Variants in OTUD5 observed in about 807,000 individuals in gnomAD.
The protein encoded by OTUD5 is OTU deubiquitinase 5.
Under a neutral mutation model 36.3 loss-of-function variants are expected in OTUD5, and 2 were observed. The ratio of observed to expected loss-of-function variants is 0.06; its 90% CI spans 0.02 to 0.17. The LOEUF is 0.17. Ranked by LOEUF, OTUD5 falls within the 10% of genes least tolerant of loss-of-function variation. OTUD5 has a pLI of 1.00. For missense variants in OTUD5, 233 were observed against 512.3 expected, an observed-to-expected ratio of 0.45 and a Z score of 5.26; for synonymous variants, 234 against 214.9, an observed-to-expected ratio of 1.09 and a Z score of -0.78.
chrX:48,934,925 C>T (rs1569514569), intron 3 of OTUD5, 29 bp downstream of exon 3: 1 of 1,204,491 alleles, frequency 8.3e-7, no homozygotes, highest in South Asian at 1.8e-5. Flanking sequence ...CCCACCCTGC[C>T]CCTTCCCCAA....
chrX:48,932,278 A>G (rs1443376113), intron 5 of OTUD5, among the ~76,000 whole-genome samples: 1 of 110,234 alleles, frequency 9.1e-6, no homozygotes, highest in Non-Finnish European at 1.9e-5. Flanking sequence ...TAAATCTAAA[A>G]CTGCTCTAAA....
chrX:48,951,189 C>T (rs1638728866), intron 1 of OTUD5, among the ~76,000 whole-genome samples: 1 of 111,410 alleles, frequency 9.0e-6, no homozygotes, highest in African/African-American at 3.3e-5. Context: ...AGTTCATGGA[C>T]AGATGTCTTC....
Position 48,924,845 on chromosome X carries a change from T to C in OTUD5, c.1264-793A>G, listed in dbSNP as rs782574960. On this transcript the variant is annotated intron_variant, in intron 6 of 8. Coordinates refer to ENST00000376488, the MANE Select transcript of OTUD5 (RefSeq NM_001136157.2). ...CACTTCCCAACTAATTTATTCATTA[T>C]ATTTATTATTTTATTTCACTCTGCA... is the stretch of plus-strand genomic sequence containing the variant. Among the ~76,000 whole-genome samples the C allele has an allele frequency of 1.4e-3, 162 of 112,313 alleles. 1 individual carries two copies. The highest frequency in any genetic ancestry group is 5.0e-3 in the African/African-American group (154 of 30,928).
At chrX:48,948,781 C>T (rs782278985) in intron 1 of OTUD5, among the ~76,000 whole-genome samples, 1 of 111,710 alleles carries the variant, frequency 9.0e-6, no homozygotes, top group Non-Finnish European at 1.9e-5. Context: ...CCAACAATGC[C>T]CTGGCCTGAG....
chrX:48,931,121 C>T (rs1211200573), intron 5 of OTUD5, among the ~76,000 whole-genome samples: 1 of 111,657 alleles, frequency 9.0e-6, no homozygotes, highest in African/African-American at 3.3e-5. Context: ...ATTTCTTAGG[C>T]GTGGGCTGCA....
intron 1 of OTUD5, among the ~76,000 whole-genome samples, chrX:48,956,194 T>C (rs113165052): frequency 8.9e-6 from 1 of 112,043 alleles, no homozygotes; most frequent in Non-Finnish European, 1.9e-5. Context: ...TAAGTAAAGC[T>C]GCTGGTCATT....
chrX:48,925,428 C>T (rs1471194447), intron 6 of OTUD5, among the ~76,000 whole-genome samples: 6 of 111,164 alleles, frequency 5.4e-5, no homozygotes, highest in Non-Finnish European at 7.5e-5. Flanking sequence ...GAAGACTAAC[C>T]GGAGCCCCCA....
chrX:48,928,993 T>A (rs1602374811), intron 5 of OTUD5, among the ~76,000 whole-genome samples: 1 of 110,885 alleles, frequency 9.0e-6, no homozygotes, highest in East Asian at 2.8e-4. Context: ...GTCAAACTAT[T>A]CTGAATAATA....
Position 48,925,774 on chromosome X carries a change from T to C in OTUD5, c.1263+73A>G, listed in dbSNP as rs2063657283. ...AGATGTCAAAACTGCTTAATTTTTT[T>C]CTGCTCGCTTGAGGGCAAAGCATGA... On this transcript the variant is annotated intron_variant, in intron 6 of 8. Coordinates refer to ENST00000376488, the MANE Select transcript of OTUD5 (RefSeq NM_001136157.2). 3.3e-6 allele frequency: 3 copies of C among 896,942 alleles called. No individual in the cohort carries two copies. In the African/African-American group the frequency reaches 5.9e-5, roughly 18 times the overall value. The allele number at this position is 896,942 out of a possible 1,213,427, so 73.9% of individuals were successfully genotyped here. A position where few individuals can be genotyped will look rare whatever the true frequency, so the allele number is the denominator to read the frequency against.
chrX:48,926,582 A>AC (rs2063670142), intron 5 of OTUD5, among the ~76,000 whole-genome samples: 1 of 111,083 alleles, frequency 9.0e-6, no homozygotes. Context: ...TGAACTCCTG[A>AC]CCTCAGGTGA....
At chrX:48,944,323 G>T in intron 1 of OTUD5, 40 bp from the exon 2 acceptor site, 1 of 938,817 alleles carries the variant, frequency 1.1e-6, no homozygotes, top group South Asian at 2.0e-5. Context: ...GGGAAAACCT[G>T]TACTCCCTCC....
At chrX:48,947,251 G>C (rs1557052620) in intron 1 of OTUD5, among the ~76,000 whole-genome samples, 2 of 111,240 alleles carry the variant, frequency 1.8e-5, no homozygotes, top group Non-Finnish European at 3.8e-5. Context: ...GGGCATGGTG[G>C]TGCATGCCTG....
intron 8 of OTUD5, 92 bp downstream of exon 8, chrX:48,923,541 A>G: frequency 1.5e-6 from 1 of 668,426 alleles, no homozygotes; most frequent in Non-Finnish European, 2.3e-6. Flanking sequence ...AGATGGCCAG[A>G]GGCTCCAGAA....
At chrX:48,945,530 A>G (rs782655861) in intron 1 of OTUD5, among the ~76,000 whole-genome samples, 7 of 110,596 alleles carry the variant, frequency 6.3e-5, no homozygotes, top group South Asian at 7.6e-4. Flanking sequence ...TCGGCCTCCC[A>G]AAGTGCTGGG....
At chrX:48,944,350 A>C in intron 1 of OTUD5, 67 bp from the exon 2 acceptor site, 1 of 718,739 alleles carries the variant, frequency 1.4e-6, no homozygotes, top group Non-Finnish European at 2.2e-6. Flanking sequence ...CCCCGACCTC[A>C]AGCTCCCGAG....
chrX:48,949,128 G>C (rs782585853), intron 1 of OTUD5, among the ~76,000 whole-genome samples: 2 of 112,080 alleles, frequency 1.8e-5, no homozygotes, highest in African/African-American at 6.5e-5. Flanking sequence ...TGCCCAGTAA[G>C]AGACCACTTA....
chrX:48,956,750 G>A (rs782323379), intron 1 of OTUD5, among the ~76,000 whole-genome samples: 7 of 111,107 alleles, frequency 6.3e-5, no homozygotes, highest in Non-Finnish European at 1.3e-4. Flanking sequence ...GACCTTAAAA[G>A]AGACCTCGGA....
Position 48,931,781 on chromosome X carries a change from A to G in OTUD5, c.1059+2683T>C, listed in dbSNP as rs782775589. 2.6e-3 allele frequency among the ~76,000 whole-genome samples: 280 copies of G among 105,890 alleles called. 3 individuals carry two copies. The highest frequency in any genetic ancestry group is 3.8e-3 in the Non-Finnish European group (194 of 51,362). The allele number at this position is 105,890 out of a possible 115,157, so 92.0% of individuals were successfully genotyped here. On this transcript the variant is annotated intron_variant, in intron 5 of 8. Transcript: ENST00000376488. ...GTAACAGAGAGAAACTCTGCCTTAA[A>G]AAAAAAAAAAAAAAAAGTATTAATG... is the stretch of plus-strand genomic sequence containing the variant.
intron 1 of OTUD5, among the ~76,000 whole-genome samples, chrX:48,945,266 CTTT>C (rs139382090): frequency 4.1e-5 from 3 of 73,268 alleles, no homozygotes; most frequent in East Asian, 4.0e-4. Flanking sequence ...AAAATCAAGT[CTTT>C]TTTTTTTTTT....
Sources: gnomAD v4.1 joint callset for allele counts (sites outside exome capture counted in the v4.1 genomes callset) on GRCh38, gnomAD v4.1.1 for gene constraint, MANE v1.5 for transcripts, NCBI Gene and HGNC (gene_info 2026-07-23, HGNC 2026-07-21) for gene names.